VPS35L: variants seen among roughly 807,000 people sequenced by gnomAD.
VPS35L encodes the protein VPS35 endosomal protein-sorting factor-like.
In VPS35L, 83 loss-of-function variants were observed where a neutral mutation model predicts 133.0. The observed-to-expected ratio is 0.62, with a 90% CI of 0.52 to 0.75. VPS35L has a LOEUF of 0.75. Among genes scored for constraint, VPS35L ranks in the 30% least tolerant of loss-of-function variants. The pLI, the probability that VPS35L is intolerant of heterozygous loss-of-function variation, is 0.00. For synonymous variants in VPS35L, 423 were observed against 449.9 expected (o/e 0.94, Z 0.76); for missense variants, 1,083 against 1,206.8 (o/e 0.90, Z 1.52).
At chr16:19,595,212 G>C (rs559616497) in intron 8 of VPS35L, among the ~76,000 whole-genome samples, 52 of 152,254 alleles carry the variant, frequency 3.4e-4, no homozygotes, top group African/African-American at 1.3e-3. Context: ...GTGATCCCAC[G>C]TGGGATTTAA....
At chr16:19,686,219 T>C (rs1271147531) in intron 28 of VPS35L, among the ~76,000 whole-genome samples, 3 of 152,162 alleles carry the variant, frequency 2.0e-5, no homozygotes, top group Non-Finnish European at 4.4e-5. Flanking sequence ...CACTTCCTCA[T>C]TCTAGGGAGG....
intron 27 of VPS35L, 101 bp from the exon 28 acceptor site, chr16:19,682,124 C>A: frequency 7.5e-7 from 1 of 1,330,426 alleles, no homozygotes; most frequent in Non-Finnish European, 1.0e-6. Flanking sequence ...GTTAATTTCT[C>A]TACAGCTGCT....
intron 8 of VPS35L, among the ~76,000 whole-genome samples, chr16:19,593,532 T>G (rs568528885): frequency 2.2e-4 from 34 of 152,312 alleles, no homozygotes; most frequent in African/African-American, 7.2e-4. Context: ...CTTGAAAAAG[T>G]GGGTCTTTAT....
rs550659757 is a variant in VPS35L at position 19,660,327 on chromosome 16, C to CAA, written c.2221+8250_2221+8251dup. Among the ~76,000 whole-genome samples the CAA allele has an allele frequency of 4.1e-4, 54 of 132,332 alleles. 1 individual carries two copies. The highest frequency in any genetic ancestry group is 1.4e-3 in the African/African-American group (50 of 35,750). The allele number at this position is 132,332 out of a possible 152,430, so 86.8% of individuals were successfully genotyped here. A position where few individuals can be genotyped will look rare whatever the true frequency, so the allele number is the denominator to read the frequency against. On this transcript the variant is annotated intron_variant, in intron 26 of 30. Coordinates refer to ENST00000417362, the MANE Select transcript of VPS35L (RefSeq NM_020314.7). ...TGGGCAACAGAGTGTGACCCTGTCT[C>CAA]AAAAAAAAAAAAAATAAAGAAGAAA...
At chr16:19,573,669 C>T (rs1451305368) in intron 4 of VPS35L, among the ~76,000 whole-genome samples, 1 of 151,992 alleles carries the variant, frequency 6.6e-6, no homozygotes, top group Non-Finnish European at 1.5e-5. Flanking sequence ...AAAAATTAGC[C>T]AGGCGTGGTG....
intron 7 of VPS35L, among the ~76,000 whole-genome samples, chr16:19,582,904 A>G (rs767256660): frequency 5.9e-5 from 9 of 152,164 alleles, no homozygotes; most frequent in Non-Finnish European, 1.3e-4. Flanking sequence ...ACAGTGGCTC[A>G]CATCTGTAAT....
Position 19,699,007 on chromosome 16 carries a change from G to C in VPS35L, c.2647-495G>C, listed in dbSNP as rs1462020204. ...ATCTGATGTCAGCGTGTAAAGGCTG[G>C]ATATGGGCACCAAGGATTGGGGAGC... On this transcript the variant is annotated intron_variant, in intron 29 of 30. Transcript: ENST00000417362. This position sits in a 1 kb window ranked among gnomAD's most constrained non-coding sequence, Gnocchi z 4.2. 6.6e-6 allele frequency among the ~76,000 whole-genome samples: 1 copy of C among 152,192 alleles called. No individual in the cohort carries two copies. The highest frequency in any genetic ancestry group is 1.9e-4 in the East Asian group (1 of 5,200).
intron 27 of VPS35L, among the ~76,000 whole-genome samples, chr16:19,677,738 TGTCTCCCTTC>T (rs911130758): frequency 3.3e-5 from 5 of 152,316 alleles, no homozygotes; most frequent in African/African-American, 1.2e-4. Context: ...AGTGGTGATC[TGTCTCCCTTC>T]GTCCTCCCCT....
At chr16:19,601,158 G>A (rs567547216) in intron 8 of VPS35L, among the ~76,000 whole-genome samples, 1 of 152,272 alleles carries the variant, frequency 6.6e-6, no homozygotes, top group South Asian at 2.1e-4. Context: ...TGAACTCCTG[G>A]GCTCAAGCAG....
At chr16:19,657,505 A>G (rs1474487893) in intron 26 of VPS35L, among the ~76,000 whole-genome samples, 4 of 152,092 alleles carry the variant, frequency 2.6e-5, no homozygotes, top group Non-Finnish European at 5.9e-5. Flanking sequence ...TTTCTCCATT[A>G]TGCTTATCAC....
chr16:19,660,497 A>C (rs1466841351), intron 26 of VPS35L, among the ~76,000 whole-genome samples: 1 of 152,190 alleles, frequency 6.6e-6, no homozygotes, highest in Non-Finnish European at 1.5e-5. Flanking sequence ...GGTTTTGTTC[A>C]GCCTCAGGAG....
intron 14 of VPS35L, among the ~76,000 whole-genome samples, chr16:19,619,013 C>T (rs555396992): frequency 1.7e-4 from 26 of 151,896 alleles, no homozygotes; most frequent in African/African-American, 5.6e-4. Flanking sequence ...TCGCTACAAC[C>T]TCCACCTCCC....
At chr16:19,700,355 TG>T in intron 30 of VPS35L, 22 bp from the exon 31 acceptor site, 2 of 1,589,474 alleles carry the variant, frequency 1.3e-6, no homozygotes, top group Non-Finnish European at 1.7e-6. Context: ...AGAAAGGAGA[TG>T]GATCTTTCTT....
At position 19,700,871 on chromosome 16, in the gene VPS35L, T is replaced by TCCAGC. The variant is rs1434051864; in HGVS notation, c.*399_*400insCCCAG. On this transcript the variant is annotated 3_prime_UTR_variant, in exon 31 of 31. Transcript: ENST00000417362. Reference sequence around the variant, plus strand: ...GGACTGCTTTTCAAAGTGCCACTGTTCCAGACCCATTCCATTCCAGACTTT... The same window carrying TCCAGC: ...GGACTGCTTTTCAAAGTGCCACTGTTCCAGCCCAGACCCATTCCATTCCAGACTTT... 5.5e-6 allele frequency: 1 copy of TCCAGC among 180,908 alleles called. No homozygotes were observed. Among genetic ancestry groups the TCCAGC allele is most frequent in the Non-Finnish European group, 1.2e-5 (1 of 85,238 alleles). The allele number at this position is 180,908 out of a possible 1,614,324, so 11.2% of individuals were successfully genotyped here. A position where few individuals can be genotyped will look rare whatever the true frequency, so the allele number is the denominator to read the frequency against.
chr16:19,604,908 C>T (rs1597351410), intron 9 of VPS35L, among the ~76,000 whole-genome samples: 1 of 152,322 alleles, frequency 6.6e-6, no homozygotes, highest in Middle Eastern at 3.4e-3. Context: ...CTTAATCCAG[C>T]TTATGCATAA....
intron 26 of VPS35L, among the ~76,000 whole-genome samples, chr16:19,664,800 T>A (rs544904866): frequency 6.6e-6 from 1 of 151,360 alleles, no homozygotes; most frequent in East Asian, 1.9e-4. Flanking sequence ...CTCGGGAGGC[T>A]GAGGCAGGAG....
At chr16:19,561,637 G>C (rs898855975) in intron 1 of VPS35L, among the ~76,000 whole-genome samples, 39 of 152,232 alleles carry the variant, frequency 2.6e-4, no homozygotes, top group Non-Finnish European at 2.6e-4. Flanking sequence ...GCAGAAGATG[G>C]GGTGGGGGGA....
chr16:19,569,610 G>T lies in VPS35L; in HGVS notation c.285+19G>T. 6.6e-7 allele frequency: 1 copy of T among 1,517,034 alleles called. No individual in the cohort carries two copies. The highest frequency in any genetic ancestry group is 1.4e-5 in the African/African-American group (1 of 71,716). The allele number at this position is 1,517,034 out of a possible 1,614,324, so 94.0% of individuals were successfully genotyped here. ...TGCCATGGTAATGCACCCCAGCCAT[G>T]GTCGTCCAGTGGGGGTTGGTTTTGT... On this transcript the variant is annotated intron_variant, in intron 3 of 30. Transcript: ENST00000417362.
chr16:19,565,228 G>GT lies in VPS35L; in HGVS notation c.117+285dup, dbSNP rs760686736. Among the ~76,000 whole-genome samples the GT allele has an allele frequency of 6.6e-5, 10 of 151,386 alleles. No individual in the cohort carries two copies. In the East Asian group the frequency reaches 9.8e-4, roughly 15 times the overall value. On this transcript the variant is annotated intron_variant, in intron 2 of 30. Transcript: ENST00000417362. ...CCACCATGCCTGGCTAAGTTTTTGTGTTTTTTTAGTAGAGATGGGGTTTCG... is the reference window on the plus strand; with the variant it reads ...CCACCATGCCTGGCTAAGTTTTTGTGTTTTTTTTAGTAGAGATGGGGTTTCG...
Sources: allele counts gnomAD v4.1 joint callset (sites outside exome capture counted in the v4.1 genomes callset), GRCh38; gene constraint gnomAD v4.1.1; non-coding constraint Gnocchi (gnomAD v3.1); transcripts MANE v1.5; gene names NCBI Gene and HGNC (gene_info 2026-07-23, HGNC 2026-07-21).